PCDH15: variants seen among roughly 807,000 people sequenced by gnomAD.
PCDH15 encodes protocadherin-15.
A neutral mutation model predicts 178.5 loss-of-function variants in PCDH15; 129 were observed. That is an observed-to-expected ratio of 0.72 (90% CI 0.63 to 0.84). The LOEUF (loss-of-function observed/expected upper bound fraction) is 0.84, where lower values mean the gene tolerates loss of function less well. Ranked by LOEUF, PCDH15 falls within the 40% of genes least tolerant of loss-of-function variation. The pLI is 0.00. For synonymous variants in PCDH15, 800 were observed against 732.0 expected, an observed-to-expected ratio of 1.09 and a Z score of -1.50; for missense variants, 2,230 against 2,099.9, an observed-to-expected ratio of 1.06 and a Z score of -1.21.
intron 13 of PCDH15, among the ~76,000 whole-genome samples, chr10:54,168,239 C>T (rs1166283138): frequency 6.6e-6 from 1 of 151,728 alleles, no homozygotes; most frequent in Admixed American, 6.6e-5. Context: ...AATAGGCAAA[C>T]GGTCTGAGGT....
chr10:53,803,196 C>T lies in PCDH15; in HGVS notation c.*3383G>A, dbSNP rs994128032. ...TTCAGCCTTATCGCTGTGTAATTTG[C>T]AGGCACCAATAGGCATCTGCCCTGA... On this transcript the variant is annotated 3_prime_UTR_variant, in exon 38 of 38. Coordinates refer to ENST00000644397, the MANE Select transcript of PCDH15 (RefSeq NM_001384140.1). 3 of 151,836 alleles carry T rather than the reference C, an allele frequency of 2.0e-5. No individual in the cohort carries two copies. Among genetic ancestry groups the T allele is most frequent in the Non-Finnish European group, 4.4e-5 (3 of 67,836 alleles). The allele number at this position is 151,836 out of a possible 1,614,324, so 9.4% of individuals were successfully genotyped here.
intron 3 of PCDH15, among the ~76,000 whole-genome samples, chr10:54,829,114 A>C (rs1010107523): frequency 6.6e-6 from 1 of 152,032 alleles, no homozygotes; most frequent in African/African-American, 2.4e-5. Flanking sequence ...CTTGTAGATA[A>C]AGACTAAAGA....
intron 2 of PCDH15, among the ~76,000 whole-genome samples, chr10:54,570,366 C>T: frequency 6.6e-6 from 1 of 152,130 alleles, no homozygotes; most frequent in South Asian, 2.1e-4. Flanking sequence ...TATACCTAAA[C>T]CTGAATATAT....
chr10:55,299,301 C>A (rs1444009246), intron 1 of PCDH15, among the ~76,000 whole-genome samples: 1 of 152,136 alleles, frequency 6.6e-6, no homozygotes, highest in Admixed American at 6.5e-5. Flanking sequence ...CAAAGCACAG[C>A]AAATGCAATG....
chr10:53,969,310 AAAG>A (rs1242539011), intron 21 of PCDH15, among the ~76,000 whole-genome samples: 21 of 152,198 alleles, frequency 1.4e-4, no homozygotes, highest in African/African-American at 4.6e-4. Flanking sequence ...TTTAGAGAAA[AAAG>A]AATAAAAAGA....
chr10:55,557,976 G>A (rs766596133), intron 2 of PCDH15, among the ~76,000 whole-genome samples: 68 of 152,136 alleles, frequency 4.5e-4, no homozygotes, highest in African/African-American at 1.5e-3. Flanking sequence ...CTTTAATCTC[G>A]TGTTAATGCT....
At chr10:55,482,093 C>A (rs142076276) in intron 2 of PCDH15, among the ~76,000 whole-genome samples, 1 of 151,698 alleles carries the variant, frequency 6.6e-6, no homozygotes, top group African/African-American at 2.4e-5. Flanking sequence ...GCCTTTTTGG[C>A]TTTTTTGATC....
At chr10:54,862,898 C>T (rs1404530651) in intron 3 of PCDH15, among the ~76,000 whole-genome samples, 1 of 152,084 alleles carries the variant, frequency 6.6e-6, no homozygotes, top group Non-Finnish European at 1.5e-5. Flanking sequence ...TATGCAGCCT[C>T]AGATATTATG....
chr10:54,116,122 T>C (rs1279804691), intron 15 of PCDH15, among the ~76,000 whole-genome samples: 4 of 151,920 alleles, frequency 2.6e-5, no homozygotes, highest in Non-Finnish European at 4.4e-5. Context: ...GGGTACACTG[T>C]AGGTCAACTA....
intron 2 of PCDH15, among the ~76,000 whole-genome samples, chr10:55,498,858 T>C (rs1238556318): frequency 2.6e-5 from 4 of 151,812 alleles, no homozygotes; most frequent in Admixed American, 2.0e-4. Context: ...ATGTTACAGA[T>C]AGAAATCAGA....
chr10:54,323,387 C>T (rs2061729487), intron 7 of PCDH15, among the ~76,000 whole-genome samples: 1 of 152,082 alleles, frequency 6.6e-6, no homozygotes, highest in Non-Finnish European at 1.5e-5. Flanking sequence ...AAAAATAGTG[C>T]ATTCTACCAA....
intron 2 of PCDH15, among the ~76,000 whole-genome samples, chr10:55,361,235 CTTCAGAAATGCTTTGT>C (rs761403952): frequency 1.4e-4 from 22 of 151,960 alleles, no homozygotes; most frequent in Non-Finnish European, 2.9e-4. Flanking sequence ...CAAGTATGTG[CTTCAGAAATGCTTTGT>C]TTCTTTATGT....
At chr10:55,442,465 A>ATG (rs1261337038) in intron 2 of PCDH15, among the ~76,000 whole-genome samples, 1 of 50,984 alleles carries the variant, frequency 2.0e-5, no homozygotes, top group African/African-American at 8.4e-5. Context: ...TTATATATAT[A>ATG]TATATTATAT....
chr10:54,509,589 T>C (rs183383339), intron 3 of PCDH15, among the ~76,000 whole-genome samples: 2 of 152,246 alleles, frequency 1.3e-5, no homozygotes, highest in African/African-American at 2.4e-5. Flanking sequence ...TTCTCATGAG[T>C]CTCTCCTAAT....
intron 2 of PCDH15, among the ~76,000 whole-genome samples, chr10:55,013,571 C>A (rs950765009): frequency 2.6e-5 from 4 of 152,062 alleles, no homozygotes; most frequent in African/African-American, 9.7e-5. Flanking sequence ...CAGTACCTAC[C>A]ATCAATCTCA....
intron 2 of PCDH15, chr10:54,654,884 C>T (rs1394459163): frequency 6.6e-6 from 1 of 152,118 alleles, no homozygotes; most frequent in Non-Finnish European, 1.5e-5. Flanking sequence ...TGAATTAGAC[C>T]TTTTCTTTCT....
chr10:55,109,304 C>G (rs908104118), intron 2 of PCDH15, among the ~76,000 whole-genome samples: 2 of 152,188 alleles, frequency 1.3e-5, no homozygotes, highest in African/African-American at 4.8e-5. Context: ...AATTTTTAAG[C>G]ATTTGCTTCT....
At chr10:54,879,643 A>G (rs1225552953) in intron 3 of PCDH15, among the ~76,000 whole-genome samples, 1 of 151,376 alleles carries the variant, frequency 6.6e-6, no homozygotes, top group East Asian at 1.9e-4. Flanking sequence ...AAAACTGAAT[A>G]TTGGTTTATT....
intron 16 of PCDH15, among the ~76,000 whole-genome samples, chr10:54,087,198 G>C (rs929416393): frequency 6.8e-6 from 1 of 146,924 alleles, no homozygotes; most frequent in Admixed American, 6.8e-5. Flanking sequence ...CCAATTTAAA[G>C]GGTACAATTC....
Sources: gnomAD v4.1 joint callset for allele counts (sites outside exome capture counted in the v4.1 genomes callset) on GRCh38, gnomAD v4.1.1 for gene constraint, MANE v1.5 for transcripts, NCBI Gene and HGNC (gene_info 2026-07-23, HGNC 2026-07-21) for gene names.